Variants in ARHGEF6 observed in about 807,000 individuals in gnomAD.
ARHGEF6 encodes rho guanine nucleotide exchange factor 6.
ARHGEF6 carries 9 observed loss-of-function variants against 70.3 expected under a neutral mutation model. The observed-to-expected ratio is 0.13, with a 90% CI of 0.08 to 0.22. The LOEUF is 0.22. ARHGEF6 is among the 10% of genes least tolerant of loss of function. The pLI is 1.00. For missense variants in ARHGEF6, 470 were observed against 563.0 expected, an observed-to-expected ratio of 0.83 and a Z score of 1.67; for synonymous variants, 201 against 207.8, an observed-to-expected ratio of 0.97 and a Z score of 0.28.
Position 136,679,560 on chromosome X carries a change from G to A in ARHGEF6, c.1805C>T (p.Pro602Leu). The change falls in exon 16 of 22, where the codon CCA (proline) becomes CTA (leucine). Residue 602 changes from proline to leucine, a missense_variant. Physicochemically the swap from Pro to Leu is moderately conservative, Grantham distance 98. Around this residue, in one of 3 missense-constraint regions of ARHGEF6, gnomAD observed 379 missense variants for 449.3 expected, o/e 0.84. Coordinates refer to ENST00000250617, the MANE Select transcript of ARHGEF6 (RefSeq NM_004840.3). ...CTCTTTATAACCTAGTGCTGCTGATGGTCTAAGTGGAGGTGCAGGTCGTAG... is the reference window on the plus strand; with the variant it reads ...CTCTTTATAACCTAGTGCTGCTGATAGTCTAAGTGGAGGTGCAGGTCGTAG... ...SCLRPAPPLR[P>L]SAALGYKERM... 4.1e-6 allele frequency: 5 copies of A among 1,211,419 alleles called. No homozygotes were observed. Among genetic ancestry groups the A allele is most frequent in the Non-Finnish European group, 5.6e-6 (5 of 895,114 alleles).
intron 2 of ARHGEF6, among the ~76,000 whole-genome samples, chrX:136,754,672 T>C (rs1339061266): frequency 9.6e-6 from 1 of 103,818 alleles, no homozygotes; most frequent in Non-Finnish European, 2.0e-5. Context: ...AAAAAGAGAG[T>C]AGGCATGAAG....
chrX:136,723,071 T>C (rs762768171), intron 6 of ARHGEF6, among the ~76,000 whole-genome samples: 1 of 112,544 alleles, frequency 8.9e-6, no homozygotes, highest in Admixed American at 9.4e-5. Flanking sequence ...TAGAATTCCA[T>C]GTATGTAAAA....
chrX:136,725,865 C>T (rs1185588297), intron 6 of ARHGEF6, among the ~76,000 whole-genome samples: 2 of 112,165 alleles, frequency 1.8e-5, no homozygotes, highest in Admixed American at 9.4e-5. Context: ...AAGGTGGAGG[C>T]TTTTGCTACC....
rs901495680 is a variant in ARHGEF6 at position 136,767,553 on chromosome X, C to T, written c.249+11861G>A. The stretch of plus-strand genomic sequence containing the variant: ...GTGCCGCTCGGCGGGCGGAGGATCG[C>T]GGGGCCGAACTGGGGGTGCCGGAGG... On this transcript the variant is annotated intron_variant, in intron 2 of 21. Coordinates refer to ENST00000250617, the MANE Select transcript of ARHGEF6 (RefSeq NM_004840.3). The T allele has an allele frequency of 6.6e-6, 5 of 753,384 alleles. No individual in the cohort carries two copies. In the South Asian group the frequency reaches 2.7e-4, roughly 41 times the overall value. 62.1% of individuals were successfully genotyped at this position (753,384 alleles called of 1,213,427 possible).
intron 11 of ARHGEF6, among the ~76,000 whole-genome samples, chrX:136,686,613 TATATATATACAC>T (rs1191733776): frequency 2.1e-3 from 164 of 77,812 alleles, no homozygotes; most frequent in Non-Finnish European, 3.2e-3. Context: ...TATATATATA[TATATATATACAC>T]ATATATATAT....
rs1238231143 is a variant in ARHGEF6, at chrX:136,667,331, T to G, written c.*698A>C. On this transcript the variant is annotated 3_prime_UTR_variant, in exon 22 of 22. Coordinates refer to ENST00000250617, the MANE Select transcript of ARHGEF6 (RefSeq NM_004840.3). ...TGGGTGACCAGAGCTTCTGCCCCCC[T>G]GAGTTACAATTTACATGACACAAAA... is the stretch of plus-strand genomic sequence containing the variant. 2 of 112,417 alleles carry G rather than the reference T, an allele frequency of 1.8e-5. No individual in the cohort carries two copies. The highest frequency in any genetic ancestry group is 6.5e-5 in the African/African-American group (2 of 30,849). 9.3% of individuals were successfully genotyped at this position (112,417 alleles called of 1,213,427 possible). A position where few individuals can be genotyped will look rare whatever the true frequency, so the allele number is the denominator to read the frequency against.
chrX:136,746,104 G>A (rs888749670), intron 3 of ARHGEF6, among the ~76,000 whole-genome samples: 2 of 111,985 alleles, frequency 1.8e-5, no homozygotes, highest in Admixed American at 9.5e-5. Flanking sequence ...TTCCCTAGGC[G>A]ACAAGCTCAG....
At chrX:136,731,961 T>C in intron 6 of ARHGEF6, 141 bp downstream of exon 6, 1 of 477,146 alleles carries the variant, frequency 2.1e-6, no homozygotes, top group Non-Finnish European at 3.7e-6. Context: ...AGAGCTCCAC[T>C]GTAATGCGAA....
chrX:136,757,952 G>GAGGAAA (rs1169181539), intron 2 of ARHGEF6, among the ~76,000 whole-genome samples: 1 of 108,372 alleles, frequency 9.2e-6, no homozygotes, highest in Non-Finnish European at 1.9e-5. Flanking sequence ...GGAAAGAGAG[G>GAGGAAA]AGGAAAAGGC....
At position 136,703,009 on chromosome X, in the gene ARHGEF6, A is replaced by G. The variant is rs145673519; in HGVS notation, c.1046+3899T>C. Among the ~76,000 whole-genome samples, 780 of 112,188 alleles carry G rather than the reference A, an allele frequency of 7.0e-3. 10 individuals carry two copies. The highest frequency in any genetic ancestry group is 0.024 in the African/African-American group (741 of 30,908). On this transcript the variant is annotated intron_variant, in intron 9 of 21. Transcript: ENST00000250617. ...CTTCAATTTATAAGAATAGAAATCA[A>G]CAAATGGTGCTGGGACAACTAGATA... is the stretch of plus-strand genomic sequence containing the variant.
At chrX:136,706,833 G>A in intron 9 of ARHGEF6, 75 bp downstream of exon 9, 1 of 1,151,842 alleles carries the variant, frequency 8.7e-7, no homozygotes, top group Non-Finnish European at 1.2e-6. Context: ...TCCAACTGAA[G>A]ACCTTGGATT....
intron 20 of ARHGEF6, 94 bp downstream of exon 20, chrX:136,671,926 C>A (rs1386008738): frequency 1.4e-6 from 1 of 713,936 alleles, no homozygotes; most frequent in Non-Finnish European, 2.2e-6. Context: ...GAGGAGTTGT[C>A]CCTCATCATA....
intron 2 of ARHGEF6, among the ~76,000 whole-genome samples, chrX:136,778,931 TC>T (rs1333008911): frequency 8.9e-6 from 1 of 112,101 alleles, no homozygotes; most frequent in African/African-American, 3.2e-5. Context: ...ACTGTAGGGA[TC>T]CATATAATAT....
intron 6 of ARHGEF6, among the ~76,000 whole-genome samples, chrX:136,726,312 A>G (rs905467213): frequency 8.9e-6 from 1 of 111,827 alleles, no homozygotes; most frequent in Admixed American, 9.5e-5. Flanking sequence ...TTATCCACAA[A>G]TAGATTCACG....
At position 136,763,812 on chromosome X, in the gene ARHGEF6, G is replaced by A. The variant is rs112158208; in HGVS notation, c.249+15602C>T. ...TGCACTCCAGCCTGGGCAACAGAGC[G>A]AGACTCTGTCTCAAAATAAATAAAG... On this transcript the variant is annotated intron_variant, in intron 2 of 21. Transcript: ENST00000250617. Among the ~76,000 whole-genome samples the A allele has an allele frequency of 4.5e-5, 5 of 111,623 alleles. No individual in the cohort carries two copies. The South Asian group carries it at 1.1e-3, about 25-fold the overall frequency.
chrX:136,723,566 C>T (rs2076821587), intron 6 of ARHGEF6, among the ~76,000 whole-genome samples: 1 of 111,827 alleles, frequency 8.9e-6, no homozygotes, highest in Admixed American at 9.5e-5. Flanking sequence ...TAGAATTCAA[C>T]AGTACTATAT....
At chrX:136,734,171 G>T (rs769711340) in intron 5 of ARHGEF6, among the ~76,000 whole-genome samples, 37 of 111,708 alleles carry the variant, frequency 3.3e-4, no homozygotes, top group African/African-American at 1.2e-3. Context: ...TAGCAATGAG[G>T]GACAATTCTG....
chrX:136,727,377 CTTTCTTTCTTTCTTTCTT>C lies in ARHGEF6; in HGVS notation c.732+4707_732+4724del, dbSNP rs1367069491. On this transcript the variant is annotated intron_variant, in intron 6 of 21. Transcript: ENST00000250617. ...TCTTTCTTTCTTTCTTTCTTTCTTT[CTTTCTTTCTTTCTTTCTT>C]TCTCTCTCTCTCTCTCTCTTTCTTT... 2.1e-3 allele frequency among the ~76,000 whole-genome samples: 148 copies of C among 70,060 alleles called. 1 individual carries two copies. The highest frequency in any genetic ancestry group is 4.4e-3 in the South Asian group (5 of 1,135). The allele number at this position is 70,060 out of a possible 115,157, so 60.8% of individuals were successfully genotyped here.
intron 6 of ARHGEF6, among the ~76,000 whole-genome samples, chrX:136,726,575 C>T (rs1260811479): frequency 2.7e-5 from 3 of 111,578 alleles, no homozygotes; most frequent in South Asian, 3.8e-4. Context: ...GAGCAGAAGG[C>T]GGGAAGCTAC....
Sources: gnomAD v4.1 joint callset for allele counts (sites outside exome capture counted in the v4.1 genomes callset) on GRCh38, gnomAD v4.1.1 for gene constraint, gnomAD v4.1.1 regional missense constraint, MANE v1.5 for transcripts, NCBI Gene and HGNC (gene_info 2026-07-23, HGNC 2026-07-21) for gene names.